CNTLN: variants seen among roughly 807,000 people sequenced by gnomAD.
The protein encoded by CNTLN is centlein, also known as centlein, centrosomal protein.
CNTLN carries 212 observed loss-of-function variants against 180.0 expected under a neutral mutation model. The ratio of observed to expected loss-of-function variants is 1.18; its 90% CI spans 1.05 to 1.32. The LOEUF (loss-of-function observed/expected upper bound fraction) is 1.32. Among genes scored for constraint, CNTLN ranks in the 40% most tolerant of loss-of-function variants. The pLI is 0.00. For synonymous variants in CNTLN, 722 were observed against 563.1 expected (o/e 1.28, Z -3.99); for missense variants, 2,095 against 1,610.9 (o/e 1.30, Z -5.14).
intron 15 of CNTLN, among the ~76,000 whole-genome samples, chr9:17,395,790 T>A (rs1281245365): frequency 6.6e-6 from 1 of 152,106 alleles, no homozygotes; most frequent in African/African-American, 2.4e-5. Flanking sequence ...ATATATGCAC[T>A]TGAAACACAT....
At chr9:17,145,787 G>A (rs1312042896) in intron 2 of CNTLN, among the ~76,000 whole-genome samples, 2 of 152,004 alleles carry the variant, frequency 1.3e-5, no homozygotes, top group East Asian at 1.9e-4. Flanking sequence ...CAGATTATCC[G>A]TTTCTTTTTT....
chr9:17,387,166 A>G (rs1290287174), intron 13 of CNTLN, among the ~76,000 whole-genome samples: 2 of 152,206 alleles, frequency 1.3e-5, no homozygotes, highest in Admixed American at 6.5e-5. Context: ...TGTTTATACC[A>G]GGAGGATTTC....
rs372486650 is a variant in CNTLN, at chr9:17,369,174, C to G, written c.1987+2457C>G. ...GATAGTGAGTGAGTTCTCATGAAAT[C>G]TGATGGTTTTGTAAGGGGCTTTTTC... On this transcript the variant is annotated intron_variant, in intron 13 of 25. Coordinates refer to ENST00000380647, the MANE Select transcript of CNTLN (RefSeq NM_017738.4). Among the ~76,000 whole-genome samples, 7 of 152,192 alleles carry G rather than the reference C, an allele frequency of 4.6e-5. No homozygotes were observed. In the East Asian group the frequency reaches 9.7e-4, roughly 21 times the overall value.
chr9:17,392,324 A>G (rs1324295250), intron 14 of CNTLN, among the ~76,000 whole-genome samples: 1 of 152,138 alleles, frequency 6.6e-6, no homozygotes, highest in East Asian at 1.9e-4. Flanking sequence ...AGTATGTTTT[A>G]CTCACTCCCC....
At chr9:17,279,260 C>T (rs1350759929) in intron 6 of CNTLN, among the ~76,000 whole-genome samples, 1 of 152,106 alleles carries the variant, frequency 6.6e-6, no homozygotes, top group Non-Finnish European at 1.5e-5. Context: ...GATGTTTAGG[C>T]ATAATTCTAT....
At position 17,298,296 on chromosome 9, in the gene CNTLN, A is replaced by C. The variant is rs959791104; in HGVS notation, c.1090A>C (p.Lys364Gln). 6.2e-6 allele frequency: 10 copies of C among 1,613,568 alleles called. No homozygotes were observed. The highest frequency in any genetic ancestry group is 2.7e-5 in the African/African-American group (2 of 74,912). ...TCAGGTTCTCAATATGGACACACAA[A>C]AAGTACTGAGAAATCAGGAAGATGT... ...QLQVLNMDTQKVLRNQEDVHT... is the reference protein window; with the variant it reads ...QLQVLNMDTQQVLRNQEDVHT... The change falls in exon 7 of 26, where the codon AAA becomes CAA. Residue 364 changes from lysine (K) to glutamine (Q), a missense_variant. Transcript: ENST00000380647.
chr9:17,506,792 G>T (rs1182159715), downstream of CNTLN, among the ~76,000 whole-genome samples: 1 of 152,090 alleles, frequency 6.6e-6, no homozygotes, highest in East Asian at 1.9e-4. Flanking sequence ...ATGTTCAGAA[G>T]AGTTCATGAG....
intron 12 of CNTLN, among the ~76,000 whole-genome samples, chr9:17,351,576 C>T (rs1197081430): frequency 6.6e-6 from 1 of 151,986 alleles, no homozygotes; most frequent in Non-Finnish European, 1.5e-5. Context: ...TTCTGACCTC[C>T]CCTCATTGAA....
intron 12 of CNTLN, among the ~76,000 whole-genome samples, chr9:17,356,077 A>AAAG (rs1554698186): frequency 0.037 from 2,353 of 64,120 alleles, 48 homozygotes; most frequent in Non-Finnish European, 0.043. Flanking sequence ...AAAAAAAAAA[A>AAAG]AAAAGAAAAA....
chr9:17,382,155 T>G (rs568089263), intron 13 of CNTLN, among the ~76,000 whole-genome samples: 4 of 152,186 alleles, frequency 2.6e-5, no homozygotes, highest in South Asian at 2.1e-4. Flanking sequence ...GCTTTCTAGA[T>G]AGTCTGACCC....
intron 8 of CNTLN, among the ~76,000 whole-genome samples, chr9:17,313,297 G>A (rs1348229807): frequency 1.3e-5 from 2 of 151,960 alleles, no homozygotes; most frequent in African/African-American, 4.8e-5. Flanking sequence ...CCATTGAATT[G>A]TAACATAATT....
intron 5 of CNTLN, among the ~76,000 whole-genome samples, chr9:17,245,335 T>C (rs77723149): frequency 2.0e-5 from 3 of 151,912 alleles, no homozygotes; most frequent in African/African-American, 4.8e-5. Context: ...TTTTTTTTTT[T>C]CCTTCAGCAC....
chr9:17,250,726 G>T (rs934835582), intron 5 of CNTLN, among the ~76,000 whole-genome samples: 3 of 151,990 alleles, frequency 2.0e-5, no homozygotes, highest in Non-Finnish European at 2.9e-5. Context: ...TAGTTTTTAT[G>T]TAGTTTATAT....
At chr9:17,197,251 C>G (rs1204237475) in intron 2 of CNTLN, among the ~76,000 whole-genome samples, 1 of 152,178 alleles carries the variant, frequency 6.6e-6, no homozygotes, top group Non-Finnish European at 1.5e-5. Context: ...TACGTGTTCA[C>G]CAACAGTATA....
In CNTLN at chr9:17,174,502, C is replaced by G. The variant is rs181444298; in HGVS notation, c.449+31126C>G. On this transcript the variant is annotated intron_variant, in intron 2 of 25. Transcript: ENST00000380647. ...CCTGAAGTCAGGAGTTTGAAACCAGCCTGGCCAATATGGTGAAACCCCATC... is the reference window on the plus strand; with the variant it reads ...CCTGAAGTCAGGAGTTTGAAACCAGGCTGGCCAATATGGTGAAACCCCATC... Among the ~76,000 whole-genome samples the G allele has an allele frequency of 4.6e-5, 7 of 151,996 alleles. No homozygotes were observed. The East Asian group carries it at 1.4e-3, about 29-fold the overall frequency.
chr9:17,254,414 T>A (rs2132300326), intron 5 of CNTLN, among the ~76,000 whole-genome samples: 1 of 151,668 alleles, frequency 6.6e-6, no homozygotes, highest in African/African-American at 2.4e-5. Context: ...ATGTTGGGAA[T>A]TTTCTAGTTT....
At chr9:17,429,509 T>C (rs1442282647) in intron 18 of CNTLN, among the ~76,000 whole-genome samples, 2 of 152,140 alleles carry the variant, frequency 1.3e-5, no homozygotes, top group Non-Finnish European at 2.9e-5. Context: ...TCATATCAAA[T>C]TAAATTTAAG....
chr9:17,189,925 C>T (rs1821690161), intron 2 of CNTLN, among the ~76,000 whole-genome samples: 1 of 151,990 alleles, frequency 6.6e-6, no homozygotes, highest in African/African-American at 2.4e-5. Context: ...TGCTGCTTTC[C>T]AATGACTCCT....
rs562194517 is a variant in CNTLN at position 17,455,077 on chromosome 9, T to G, written c.3115-2447T>G. Among the ~76,000 whole-genome samples, 13 of 152,258 alleles carry G rather than the reference T, an allele frequency of 8.5e-5. No homozygotes were observed. The East Asian group carries it at 2.5e-3, about 29-fold the overall frequency. ...GCACTTGTAAGCAAAAGAAAGTTAT[T>G]TATACATTTTTTTCTCATCTATAGC... On this transcript the variant is annotated intron_variant, in intron 18 of 25. Coordinates refer to ENST00000380647, the MANE Select transcript of CNTLN (RefSeq NM_017738.4).
Sources: allele counts gnomAD v4.1 joint callset (sites outside exome capture counted in the v4.1 genomes callset), GRCh38; gene constraint gnomAD v4.1.1; transcripts MANE v1.5; gene names NCBI Gene and HGNC (gene_info 2026-07-23, HGNC 2026-07-21).